The following DCHS2 variants were observed in gnomAD, a reference collection of about 807,000 sequenced individuals.
DCHS2 encodes the protein dachsous cadherin-related 2.
A neutral mutation model predicts 182.4 loss-of-function variants in DCHS2; 142 were observed. The ratio of observed to expected loss-of-function variants is 0.78; its 90% CI spans 0.68 to 0.89. DCHS2 has a LOEUF of 0.89. Among genes scored for constraint, DCHS2 ranks in the 40% least tolerant of loss-of-function variants. The pLI, the probability that DCHS2 is intolerant of heterozygous loss-of-function variation, is 0.00. For missense variants in DCHS2, 4,319 were observed against 4,198.6 expected, an observed-to-expected ratio of 1.03 and a Z score of -0.79; for synonymous variants, 1,740 against 1,663.3, an observed-to-expected ratio of 1.05 and a Z score of -1.12.
chr4:154,264,735 T>G (rs2111186741), intron 14 of DCHS2, among the ~76,000 whole-genome samples: 1 of 152,110 alleles, frequency 6.6e-6, no homozygotes, highest in East Asian at 1.9e-4. Flanking sequence ...TACCTAAATC[T>G]GAGAGAGCTT....
Position 154,329,635 on chromosome 4 carries a change from C to T in DCHS2, c.3806G>A (p.Arg1269His), listed in dbSNP as rs539253714. The T allele has an allele frequency of 1.4e-5, 22 of 1,612,598 alleles. 1 individual carries two copies. In the Admixed American group the frequency reaches 1.5e-4, roughly 11 times the overall value. The change falls in exon 6 of 20, where the codon CGC becomes CAC. Residue 1269 changes from arginine to histidine, a missense_variant. By Grantham distance (29) the Arg-to-His change is conservative. Coordinates refer to ENST00000357232, the MANE Select transcript of DCHS2 (RefSeq NM_001358235.2). ...HHEMTVLVTD[R>H]GSPPRNATMA... ...GGTGGCGTTTCGTGGTGGGGAGCCG[C>T]GGTCTGTCACTAGCACAGTCATCTC... is the stretch of plus-strand genomic sequence containing the variant.
At chr4:154,323,194 T>C (rs992583475) in intron 7 of DCHS2, 2 of 1,550,352 alleles carry the variant, frequency 1.3e-6, no homozygotes, top group East Asian at 2.4e-5. Flanking sequence ...TCTATTCTTA[T>C]GTTTTCCTTA....
chr4:154,281,615 T>C (rs1734151350), intron 13 of DCHS2, among the ~76,000 whole-genome samples: 1 of 152,174 alleles, frequency 6.6e-6, no homozygotes. Context: ...AAAAGGAATC[T>C]ACAGATTCAA....
chr4:154,436,199 A>G (rs1733770614), intron 1 of DCHS2, among the ~76,000 whole-genome samples: 2 of 152,126 alleles, frequency 1.3e-5, no homozygotes, highest in Admixed American at 6.5e-5. Flanking sequence ...CCTAGTTTTA[A>G]TGTTTTTATC....
At chr4:154,379,447 A>C (rs1301832252) in intron 1 of DCHS2, among the ~76,000 whole-genome samples, 1 of 152,190 alleles carries the variant, frequency 6.6e-6, no homozygotes, top group East Asian at 1.9e-4. Flanking sequence ...TTTAGTCTAG[A>C]ATATGTGAAG....
intron 1 of DCHS2, among the ~76,000 whole-genome samples, chr4:154,402,133 G>A (rs939596891): frequency 6.6e-6 from 1 of 152,140 alleles, no homozygotes; most frequent in Non-Finnish European, 1.5e-5. Context: ...ATTCCAGAAT[G>A]ATTTATTGAA....
chr4:154,449,806 A>T (rs1457913531), intron 1 of DCHS2, among the ~76,000 whole-genome samples: 1 of 152,232 alleles, frequency 6.6e-6, no homozygotes, highest in Non-Finnish European at 1.5e-5. Context: ...CATTGCTAAA[A>T]ATTTCCCTTA....
In DCHS2 at chr4:154,236,857, G is replaced by A; in HGVS notation, c.7795C>T (p.His2599Tyr). The A allele has an allele frequency of 1.2e-6, 2 of 1,614,034 alleles. No homozygotes were observed. The highest frequency in any genetic ancestry group is 1.7e-6 in the Non-Finnish European group (2 of 1,179,948). The stretch of plus-strand genomic sequence containing the variant: ...GAATGAAAGAACTTAGTTTCCACAT[G>A]AAAATTGTTCTGTGAATTACCACTG... ...IISGNSQNNF[H>Y]VETKFFHSEY... is the part of the protein sequence containing the mutation. Residue 2599 changes from histidine to tyrosine, a missense_variant, in exon 20 of 20, where the codon CAT becomes TAT. By Grantham distance (83) the His-to-Tyr change is moderately conservative (BLOSUM62 2). Transcript: ENST00000357232.
chr4:154,427,928 T>C (rs1162567650), intron 1 of DCHS2, among the ~76,000 whole-genome samples: 1 of 152,218 alleles, frequency 6.6e-6, no homozygotes, highest in Non-Finnish European at 1.5e-5. Flanking sequence ...GCTCTATACA[T>C]TGAGAGCAAA....
At chr4:154,399,316 C>T (rs139784160) in intron 1 of DCHS2, among the ~76,000 whole-genome samples, 20 of 152,254 alleles carry the variant, frequency 1.3e-4, no homozygotes, top group African/African-American at 4.6e-4. Flanking sequence ...GTTTAACATT[C>T]AAATCTGCCA....
intron 13 of DCHS2, among the ~76,000 whole-genome samples, chr4:154,282,487 AT>A (rs1165290411): frequency 6.6e-6 from 1 of 151,412 alleles, no homozygotes; most frequent in African/African-American, 2.4e-5. Flanking sequence ...GATGGCATTT[AT>A]TTTATATCAA....
At position 154,343,485 on chromosome 4, in the gene DCHS2, G is replaced by A. The variant is rs62331892; in HGVS notation, c.2477-8381C>T. 68,374 of 1,453,156 alleles carry A rather than the reference G, an allele frequency of 0.047. 1,774 individuals carry two copies. Among genetic ancestry groups the A allele is most frequent in the South Asian group, 0.06 (3,725 of 62,110 alleles). 90.0% of individuals were successfully genotyped at this position (1,453,156 alleles called of 1,614,324 possible). On this transcript the variant is annotated intron_variant, in intron 3 of 19. Coordinates refer to ENST00000357232, the MANE Select transcript of DCHS2 (RefSeq NM_001358235.2). ...GTAACCACCTTCACCAAGAATCTTA[G>A]CTAGATTTGCTACATACCTTGCTGC...
At chr4:154,282,795 T>C (rs1234505454) in intron 13 of DCHS2, among the ~76,000 whole-genome samples, 1 of 152,144 alleles carries the variant, frequency 6.6e-6, no homozygotes, top group Non-Finnish European at 1.5e-5. Context: ...CCTCAATGAA[T>C]GAATGGATAG....
intron 13 of DCHS2, among the ~76,000 whole-genome samples, chr4:154,294,648 A>C (rs1470956124): frequency 6.6e-6 from 1 of 152,246 alleles, no homozygotes; most frequent in East Asian, 1.9e-4. Flanking sequence ...TTACATTTAT[A>C]AACAAAGTAC....
chr4:154,434,151 G>A (rs1733676910), intron 1 of DCHS2, among the ~76,000 whole-genome samples: 1 of 152,196 alleles, frequency 6.6e-6, no homozygotes, highest in Non-Finnish European at 1.5e-5. Flanking sequence ...GGCAAATAAT[G>A]GGCTGGGCAT....
chr4:154,301,502 T>C (rs1735193267), intron 12 of DCHS2, among the ~76,000 whole-genome samples: 1 of 151,990 alleles, frequency 6.6e-6, no homozygotes, highest in Admixed American at 6.6e-5. Flanking sequence ...ATTTATTTAT[T>C]TATTTTTATT....
In DCHS2 at chr4:154,414,999, C is replaced by T. The variant is rs148318149; in HGVS notation, c.2053-37555G>A. Among the ~76,000 whole-genome samples, 207 of 152,264 alleles carry T rather than the reference C, an allele frequency of 1.4e-3. 1 individual carries two copies. Among genetic ancestry groups the T allele is most frequent in the African/African-American group, 4.7e-3 (196 of 41,554 alleles). The stretch of plus-strand genomic sequence containing the variant: ...CGCGGCTACAGCTCCCAGATGAGCT[C>T]ATGTGGGTATGGCAAAAGGTTCACC... On this transcript the variant is annotated intron_variant, in intron 1 of 19. Coordinates refer to ENST00000357232, the MANE Select transcript of DCHS2 (RefSeq NM_001358235.2).
At chr4:154,437,725 C>G (rs938475606) in intron 1 of DCHS2, among the ~76,000 whole-genome samples, 14 of 152,134 alleles carry the variant, frequency 9.2e-5, no homozygotes, top group African/African-American at 3.4e-4. Context: ...CCTCTTTCAA[C>G]TTTTCTCTAA....
At chr4:154,467,082 G>T (rs1735270655) in intron 1 of DCHS2, among the ~76,000 whole-genome samples, 1 of 152,116 alleles carries the variant, frequency 6.6e-6, no homozygotes, top group Non-Finnish European at 1.5e-5. Context: ...AAAATCCACA[G>T]GAAGAGATAG....
Sources: gnomAD v4.1 joint callset for allele counts (sites outside exome capture counted in the v4.1 genomes callset) on GRCh38, gnomAD v4.1.1 for gene constraint, MANE v1.5 for transcripts, NCBI Gene and HGNC (gene_info 2026-07-23, HGNC 2026-07-21) for gene names.